Variants in ABCA13 observed in about 807,000 individuals in gnomAD.
ABCA13 encodes ATP binding cassette subfamily A member 13, also known as ATP-binding cassette sub-family A member 13.
ABCA13 carries 476 observed loss-of-function variants against 478.7 expected under a neutral mutation model. The ratio of observed to expected loss-of-function variants is 0.99; its 90% confidence interval spans 0.92 to 1.07. The LOEUF (loss-of-function observed/expected upper bound fraction) is 1.07, where lower values mean the gene tolerates loss of function less well. Among genes scored for constraint, ABCA13 ranks in the 50% least tolerant of loss-of-function variants. ABCA13 has a pLI of 0.00. For synonymous variants in ABCA13, 2,252 were observed against 2,158.9 expected, an observed-to-expected ratio of 1.04 and a Z score of -1.20; for missense variants, 6,060 against 5,910.6, an observed-to-expected ratio of 1.03 and a Z score of -0.83.
In ABCA13 at chr7:48,276,262, C is replaced by T. The variant is rs1796293503; in HGVS notation, c.6596C>T (p.Ser2199Leu). 1 of 1,569,486 alleles carries T rather than the reference C, an allele frequency of 6.4e-7. No individual in the cohort carries two copies. The highest frequency in any genetic ancestry group is 8.6e-7 in the Non-Finnish European group (1 of 1,156,274). ...AATCAAGAACAGCTGACTAATTTCT[C>T]AGTTGTTCAGCTGCTTTTTGAAAAC... ...LLNQEQLTNFSVVQLLFENIL... is the reference protein window; with the variant it reads ...LLNQEQLTNFLVVQLLFENIL... Residue 2199 changes from serine (S) to leucine (L), a missense_variant, in exon 17 of 62, where the codon TCA becomes TTA. By Grantham distance (145) the Ser-to-Leu change is moderately radical. This residue lies in a region of ABCA13 where 4,423 missense variants were observed against 4,309.1 expected (regional missense o/e 1.03). Transcript: ENST00000435803.
rs774621132 is a variant in ABCA13, at chr7:48,610,391, G to A, written c.14745-4894G>A. On this transcript the variant is annotated intron_variant, in intron 58 of 61. Transcript: ENST00000435803. ...TGAGCAGCTCCGCCCCTGTGGTTCT[G>A]TGGGGCTCGGCTCCCAAGGCTGCTT... 5.5e-4 allele frequency among the ~76,000 whole-genome samples: 84 copies of A among 152,342 alleles called. 1 individual carries two copies. The highest frequency in any genetic ancestry group is 5.0e-4 in the Non-Finnish European group (34 of 68,038).
intron 55 of ABCA13, among the ~76,000 whole-genome samples, chr7:48,548,212 T>G (rs975723912): frequency 6.6e-6 from 1 of 151,978 alleles, no homozygotes; most frequent in African/African-American, 2.4e-5. Context: ...ATACATATAT[T>G]TCTATATTCC....
In ABCA13 at chr7:48,374,434, T is replaced by G. The variant is rs758106875; in HGVS notation, c.11203+18T>G. ...AGAGACAGGTAAGAGCATGCATGTG[T>G]AAAAAGTGACTCTCAGTGAATCACG... On this transcript the variant is annotated intron_variant, in intron 34 of 61. Coordinates refer to ENST00000435803, the MANE Select transcript of ABCA13 (RefSeq NM_152701.5). The G allele has an allele frequency of 1.9e-5, 30 of 1,598,246 alleles. No homozygotes were observed. The Admixed American group carries it at 2.3e-4, about 12-fold the overall frequency.
rs1374859052 is a variant in ABCA13 at position 48,335,483 on chromosome 7, T to C, written c.10061T>C (p.Met3354Thr). 2.5e-6 allele frequency: 4 copies of C among 1,613,600 alleles called. No homozygotes were observed. The highest frequency in any genetic ancestry group is 3.3e-5 in the Admixed American group (2 of 59,978). ...ACTTTATCAGAAACACTGCTGGAAA[T>C]GTCCAGCCTTTTCCAGAGAAGTGGA... Reference protein sequence around the residue: ...LKTLSETLLEMSSLFQRSGSG... With the variant: ...LKTLSETLLETSSLFQRSGSG... The change falls in exon 28 of 62, where the codon ATG becomes ACG. Residue 3354 changes from methionine to threonine, a missense_variant. Coordinates refer to ENST00000435803, the MANE Select transcript of ABCA13 (RefSeq NM_152701.5).
chr7:48,175,515 G>A (rs1388185465), intron 1 of ABCA13, among the ~76,000 whole-genome samples: 2 of 152,106 alleles, frequency 1.3e-5, no homozygotes, highest in Non-Finnish European at 2.9e-5. Flanking sequence ...CTGCCTCCTG[G>A]GTTCAAGCGA....
At chr7:48,604,610 G>A (rs1329837947) in intron 58 of ABCA13, among the ~76,000 whole-genome samples, 37 of 152,058 alleles carry the variant, frequency 2.4e-4, no homozygotes, top group African/African-American at 7.2e-4. Context: ...TATGATTTCC[G>A]TTCTTTTGCA....
Position 48,278,885 on chromosome 7 carries a change from A to C in ABCA13, c.7691A>C (p.Gln2564Pro). The C allele has an allele frequency of 6.2e-7, 1 of 1,613,400 alleles. No individual in the cohort carries two copies. Among genetic ancestry groups the C allele is most frequent in the East Asian group, 2.2e-5 (1 of 44,876 alleles). ...FFDTLYSIMQ[Q>P]SVQNLVKEIA... Reference sequence around the variant, plus strand: ...GACACTCTGTATTCCATCATGCAACAAAGTGTTCAAAATCTTGTGAAAGAA... The same window carrying C: ...GACACTCTGTATTCCATCATGCAACCAAGTGTTCAAAATCTTGTGAAAGAA... Residue 2564 changes from glutamine to proline, a missense_variant, in exon 18 of 62, where the codon CAA becomes CCA. By Grantham distance (76) the Gln-to-Pro change is moderately conservative. Coordinates refer to ENST00000435803, the MANE Select transcript of ABCA13 (RefSeq NM_152701.5).
chr7:48,250,007 C>A (rs943194392), intron 15 of ABCA13, among the ~76,000 whole-genome samples: 2 of 152,234 alleles, frequency 1.3e-5, no homozygotes, highest in African/African-American at 4.8e-5. Context: ...TCCCTTCTCA[C>A]TTCTGATCAA....
At chr7:48,614,922 T>G (rs1012167997) in intron 58 of ABCA13, among the ~76,000 whole-genome samples, 1 of 144,976 alleles carries the variant, frequency 6.9e-6, no homozygotes, top group African/African-American at 2.5e-5. Flanking sequence ...CATTAGGAGA[T>G]ATACCTAATG....
intron 50 of ABCA13, among the ~76,000 whole-genome samples, chr7:48,509,929 G>A (rs1831530237): frequency 6.6e-6 from 1 of 152,192 alleles, no homozygotes; most frequent in Non-Finnish European, 1.5e-5. Flanking sequence ...CCTGAACGAG[G>A]AAGCTGGCCC....
chr7:48,234,205 C>G, intron 8 of ABCA13, 54 bp downstream of exon 8: 2 of 1,612,106 alleles, frequency 1.2e-6, no homozygotes, highest in South Asian at 1.1e-5. Context: ...GAGACTGGAT[C>G]TAGAGCATGC....
chr7:48,231,104 A>G (rs1789004540), intron 7 of ABCA13, among the ~76,000 whole-genome samples: 2 of 151,976 alleles, frequency 1.3e-5, no homozygotes, highest in Admixed American at 6.6e-5. Context: ...GCAAATCACC[A>G]TGGAACATGT....
intron 27 of ABCA13, among the ~76,000 whole-genome samples, chr7:48,324,976 T>G (rs1804099884): frequency 1.3e-5 from 2 of 152,228 alleles, no homozygotes; most frequent in Admixed American, 6.5e-5. Flanking sequence ...ATTAAAAATT[T>G]TCCCTAAAAA....
intron 39 of ABCA13, among the ~76,000 whole-genome samples, chr7:48,404,901 A>C (rs932117510): frequency 6.6e-6 from 1 of 152,244 alleles, no homozygotes; most frequent in Non-Finnish European, 1.5e-5. Flanking sequence ...GATAGATAGA[A>C]GTGGGAAAAT....
intron 27 of ABCA13, among the ~76,000 whole-genome samples, chr7:48,321,415 C>T (rs1303205463): frequency 1.3e-5 from 2 of 152,170 alleles, no homozygotes; most frequent in Non-Finnish European, 2.9e-5. Context: ...GGCTTCTCCT[C>T]TACTGGTGAT....
At chr7:48,537,626 G>T (rs566368054) in intron 55 of ABCA13, among the ~76,000 whole-genome samples, 8 of 152,306 alleles carry the variant, frequency 5.3e-5, no homozygotes, top group African/African-American at 1.9e-4. Flanking sequence ...AGAGAGCAGG[G>T]TTACGAGCCA....
chr7:48,600,566 T>C (rs1386762850), intron 58 of ABCA13, among the ~76,000 whole-genome samples: 3 of 152,184 alleles, frequency 2.0e-5, no homozygotes, highest in Non-Finnish European at 4.4e-5. Context: ...TTATCTATTT[T>C]TTTTAGTTAT....
chr7:48,416,636 T>C (rs1368655), intron 41 of ABCA13, among the ~76,000 whole-genome samples: 1 of 151,740 alleles, frequency 6.6e-6, no homozygotes, highest in Non-Finnish European at 1.5e-5. Context: ...CCTGGGAGGA[T>C]CCCCAGTCGG....
chr7:48,614,667 A>C (rs900156034), intron 58 of ABCA13, among the ~76,000 whole-genome samples: 3 of 150,580 alleles, frequency 2.0e-5, no homozygotes, highest in African/African-American at 7.3e-5. Context: ...TGGATTAAGA[A>C]AATGTGGCAC....
Sources: gnomAD v4.1 joint callset for allele counts (sites outside exome capture counted in the v4.1 genomes callset) on GRCh38, gnomAD v4.1.1 for gene constraint, gnomAD v4.1.1 regional missense constraint, MANE v1.5 for transcripts, NCBI Gene and HGNC (gene_info 2026-07-23, HGNC 2026-07-21) for gene names.